PPP1R14C: variants seen among roughly 807,000 people sequenced by gnomAD.
PPP1R14C encodes protein phosphatase 1 regulatory inhibitor subunit 14C.
Under a neutral mutation model 20.4 loss-of-function variants are expected in PPP1R14C, and 16 were observed. The observed-to-expected ratio is 0.78, with a 90% CI of 0.53 to 1.19. The LOEUF is 1.19. Ranked by LOEUF, PPP1R14C falls within the 50% of genes most tolerant of loss-of-function variation. The pLI, the probability that PPP1R14C is intolerant of heterozygous loss-of-function variation, is 0.00. For synonymous variants in PPP1R14C, 91 were observed against 91.0 expected, an observed-to-expected ratio of 1.00 and a Z score of 0.00; for missense variants, 211 against 220.1, an observed-to-expected ratio of 0.96 and a Z score of 0.26.
intron 1 of PPP1R14C, among the ~76,000 whole-genome samples, chr6:150,151,324 G>A (rs571181246): frequency 6.6e-6 from 1 of 152,238 alleles, no homozygotes; most frequent in East Asian, 1.9e-4. Flanking sequence ...AGGCGCTGCT[G>A]TGCACAGTTG....
intron 3 of PPP1R14C, among the ~76,000 whole-genome samples, chr6:150,245,198 T>C (rs1778477067): frequency 6.6e-6 from 1 of 152,232 alleles, no homozygotes; most frequent in African/African-American, 2.4e-5. Flanking sequence ...GTCCCGGGTC[T>C]ACCCACTTGT....
chr6:150,151,894 G>A (rs567289973), intron 1 of PPP1R14C, among the ~76,000 whole-genome samples: 17 of 152,228 alleles, frequency 1.1e-4, no homozygotes, highest in East Asian at 9.7e-4. Flanking sequence ...GCTGAGGCGG[G>A]CGGATCACGA....
intron 1 of PPP1R14C, among the ~76,000 whole-genome samples, chr6:150,203,241 G>A (rs1225870750): frequency 6.6e-6 from 1 of 152,184 alleles, no homozygotes; most frequent in Non-Finnish European, 1.5e-5. Flanking sequence ...TTGGCCCCTG[G>A]CAATCCCTGA....
At chr6:150,216,719 C>G (rs966156774) in intron 2 of PPP1R14C, 105 bp from the exon 3 acceptor site, 2 of 765,588 alleles carry the variant, frequency 2.6e-6, no homozygotes, top group African/African-American at 3.6e-5. Flanking sequence ...CTTGATTTAC[C>G]ATTATAAAAT....
intron 1 of PPP1R14C, among the ~76,000 whole-genome samples, chr6:150,150,854 G>T (rs1777238057): frequency 6.6e-6 from 1 of 151,910 alleles, no homozygotes; most frequent in Non-Finnish European, 1.5e-5. Flanking sequence ...TCTCTCTTCT[G>T]TTTAAACCAC....
rs1778542567 is a variant in PPP1R14C, at chr6:150,249,809, G to T, written c.*989G>T. 2.9e-6 allele frequency: 1 copy of T among 348,446 alleles called. No individual in the cohort carries two copies. Among genetic ancestry groups the T allele is most frequent in the Non-Finnish European group, 5.1e-6 (1 of 194,842 alleles). 21.6% of individuals were successfully genotyped at this position (348,446 alleles called of 1,614,324 possible). On this transcript the variant is annotated 3_prime_UTR_variant, in exon 4 of 4. Coordinates refer to ENST00000361131, the MANE Select transcript of PPP1R14C (RefSeq NM_030949.3). ...TAGCTTCTGTGCCTGGGTAGTATCA[G>T]ACCAGTGGGAGTAAACCGAGTGTTA... is the stretch of plus-strand genomic sequence containing the variant.
At chr6:150,212,044 C>T (rs976706355) in intron 1 of PPP1R14C, among the ~76,000 whole-genome samples, 11 of 152,146 alleles carry the variant, frequency 7.2e-5, no homozygotes, top group Non-Finnish European at 1.2e-4. Context: ...GTAGGAGTGA[C>T]CTTGAGATGC....
intron 1 of PPP1R14C, among the ~76,000 whole-genome samples, chr6:150,173,878 G>A (rs1323058109): frequency 2.0e-5 from 3 of 151,896 alleles, no homozygotes; most frequent in Middle Eastern, 3.4e-3. Context: ...TTCTGCTCAC[G>A]CCATTCCCAG....
In PPP1R14C at chr6:150,143,529, G is replaced by A; in HGVS notation, c.306+31G>A. 7.3e-7 allele frequency: 1 copy of A among 1,374,168 alleles called. No homozygotes were observed. The allele number at this position is 1,374,168 out of a possible 1,614,324, so 85.1% of individuals were successfully genotyped here. On this transcript the variant is annotated intron_variant, in intron 1 of 3. Transcript: ENST00000361131. The surrounding 1 kb of genome is among the most constrained non-coding windows in gnomAD (Gnocchi z 5.6). ...TGGGCGCGGGGCTGGGAGGGTCGGG[G>A]ACCTCTCTAGCTCCTCTGTGCCCGC...
intron 1 of PPP1R14C, among the ~76,000 whole-genome samples, chr6:150,163,205 C>CA (rs1373144512): frequency 6.6e-6 from 1 of 152,154 alleles, no homozygotes; most frequent in African/African-American, 2.4e-5. Flanking sequence ...TCCTGGCTAA[C>CA]ATGGTGAAAC....
chr6:150,155,998 C>T (rs1042069741), intron 1 of PPP1R14C, among the ~76,000 whole-genome samples: 1 of 128,748 alleles, frequency 7.8e-6, no homozygotes, highest in African/African-American at 3.1e-5. Flanking sequence ...GCACTCCAGC[C>T]TGGGTGACAG....
chr6:150,196,339 T>G (rs1043101277), intron 1 of PPP1R14C, among the ~76,000 whole-genome samples: 10 of 152,192 alleles, frequency 6.6e-5, no homozygotes, highest in African/African-American at 2.4e-4. Context: ...CAGCAGATAA[T>G]TATGGACCGC....
rs190290247 is a variant in PPP1R14C at position 150,194,376 on chromosome 6, A to G, written c.307-20368A>G. On this transcript the variant is annotated intron_variant, in intron 1 of 3. Transcript: ENST00000361131. ...TTGGACACAGCTTGAGCCAAGATTT[A>G]TCTTTCTTTGGCAACCCCTGTTTGT... 1.4e-5 allele frequency: 12 copies of G among 839,210 alleles called. No individual in the cohort carries two copies. In the South Asian group the frequency reaches 4.4e-4, roughly 31 times the overall value. The allele number at this position is 839,210 out of a possible 1,614,324, so 52.0% of individuals were successfully genotyped here. A position where few individuals can be genotyped will look rare whatever the true frequency, so the allele number is the denominator to read the frequency against.
chr6:150,214,897 T>C, intron 2 of PPP1R14C, 70 bp downstream of exon 2: 3 of 1,129,768 alleles, frequency 2.7e-6, no homozygotes, highest in South Asian at 2.7e-5. Context: ...TCTTCAGTGC[T>C]TGGCATCAAC....
At chr6:150,162,879 T>C (rs1439098087) in intron 1 of PPP1R14C, among the ~76,000 whole-genome samples, 1 of 152,132 alleles carries the variant, frequency 6.6e-6, no homozygotes, top group East Asian at 1.9e-4. Flanking sequence ...GTGGCCAGGT[T>C]AGTGGGGCCA....
At chr6:150,184,173 C>T (rs977086568) in intron 1 of PPP1R14C, among the ~76,000 whole-genome samples, 1 of 152,160 alleles carries the variant, frequency 6.6e-6, no homozygotes, top group African/African-American at 2.4e-5. Context: ...GCGTGGAGAA[C>T]GAGTATCCCA....
At chr6:150,147,234 C>T (rs1012906448) in intron 1 of PPP1R14C, among the ~76,000 whole-genome samples, 16 of 150,636 alleles carry the variant, frequency 1.1e-4, no homozygotes, top group African/African-American at 3.9e-4. Flanking sequence ...GGCTAGAGTG[C>T]AGTGGCGCAA....
At chr6:150,230,244 A>G (rs1434209697) in intron 3 of PPP1R14C, among the ~76,000 whole-genome samples, 1 of 152,066 alleles carries the variant, frequency 6.6e-6, no homozygotes, top group Non-Finnish European at 1.5e-5. Context: ...CACCCGCTTC[A>G]CACTTTGCCT....
At chr6:150,236,745 C>T (rs1021243688) in intron 3 of PPP1R14C, among the ~76,000 whole-genome samples, 1 of 152,078 alleles carries the variant, frequency 6.6e-6, no homozygotes, top group African/African-American at 2.4e-5. Context: ...AATACGATCT[C>T]CTTTGTAGTC....
Sources: allele counts gnomAD v4.1 joint callset (sites outside exome capture counted in the v4.1 genomes callset), GRCh38; gene constraint gnomAD v4.1.1; non-coding constraint Gnocchi (gnomAD v3.1); transcripts MANE v1.5; gene names NCBI Gene and HGNC (gene_info 2026-07-23, HGNC 2026-07-21).